Variants in UTRN observed in about 807,000 individuals in gnomAD.
UTRN encodes the protein dystrophin-related protein 1.
A neutral mutation model predicts 463.9 loss-of-function variants in UTRN; 283 were observed. The ratio of observed to expected loss-of-function variants is 0.61; its 90% confidence interval spans 0.55 to 0.67. UTRN has a LOEUF of 0.67. Ranked by LOEUF, UTRN falls within the 30% of genes least tolerant of loss-of-function variation. UTRN has a pLI of 0.00. For missense variants in UTRN, 3,922 were observed against 4,084.3 expected (o/e 0.96, Z 1.08); for synonymous variants, 1,442 against 1,431.5 (o/e 1.01, Z -0.17).
intron 73 of UTRN, 113 bp downstream of exon 73, chr6:144,840,945 G>A: frequency 9.3e-7 from 1 of 1,073,210 alleles, no homozygotes; most frequent in Non-Finnish European, 1.3e-6. Context: ...ATTACAAACA[G>A]GACTGAATAT....
chr6:144,809,981 G>A (rs1186732710), intron 65 of UTRN, among the ~76,000 whole-genome samples: 2 of 152,084 alleles, frequency 1.3e-5, no homozygotes, highest in Non-Finnish European at 2.9e-5. Flanking sequence ...CCAAAGAAAC[G>A]GAAGCCTGTG....
intron 51 of UTRN, among the ~76,000 whole-genome samples, chr6:144,673,179 C>G (rs1042266178): frequency 6.6e-6 from 1 of 152,194 alleles, no homozygotes. Flanking sequence ...CTGCAAATAT[C>G]TGTTAAGCCC....
At chr6:144,531,641 C>T (rs993245194) in intron 42 of UTRN, among the ~76,000 whole-genome samples, 3 of 152,096 alleles carry the variant, frequency 2.0e-5, no homozygotes, top group African/African-American at 7.2e-5. Context: ...GGCAGCTGCT[C>T]ATGTAAGTCT....
At chr6:144,422,645 A>G (rs994599775) in intron 4 of UTRN, among the ~76,000 whole-genome samples, 2 of 152,210 alleles carry the variant, frequency 1.3e-5, no homozygotes, top group African/African-American at 4.8e-5. Flanking sequence ...GTTAAAAACT[A>G]TGACATCTAT....
chr6:144,444,417 T>C (rs1225118368), intron 14 of UTRN, 35 bp downstream of exon 14: 4 of 1,525,630 alleles, frequency 2.6e-6, no homozygotes, highest in Non-Finnish European at 3.6e-6. Context: ...GCAAAATAAA[T>C]GGTGAAAAGT....
chr6:144,445,263 A>G (rs1481721064), intron 14 of UTRN, among the ~76,000 whole-genome samples: 7 of 146,098 alleles, frequency 4.8e-5, no homozygotes, highest in Non-Finnish European at 7.5e-5. Context: ...AGGCAGGAGA[A>G]TTGCTGGAAC....
chr6:144,745,570 A>G (rs1790634720), intron 54 of UTRN, among the ~76,000 whole-genome samples: 1 of 152,194 alleles, frequency 6.6e-6, no homozygotes, highest in African/African-American at 2.4e-5. Flanking sequence ...TCTTCTGAGT[A>G]GCTTCTTGAG....
intron 51 of UTRN, among the ~76,000 whole-genome samples, chr6:144,630,862 G>C (rs191762783): frequency 6.6e-6 from 1 of 152,064 alleles, no homozygotes; most frequent in Non-Finnish European, 1.5e-5. Context: ...ATTCAGCCCT[G>C]CTCTTTCACA....
chr6:144,819,877 GCCTCCTCCT>G (rs535515378), intron 65 of UTRN, among the ~76,000 whole-genome samples: 259 of 127,276 alleles, frequency 2.0e-3, no homozygotes, highest in Middle Eastern at 0.013. Context: ...CTCCTCCGCC[GCCTCCTCCT>G]CCTCCTCCTC....
chr6:144,666,169 G>C (rs1780372431), intron 51 of UTRN, among the ~76,000 whole-genome samples: 1 of 152,140 alleles, frequency 6.6e-6, no homozygotes, highest in Admixed American at 6.6e-5. Flanking sequence ...CGCCACATCA[G>C]GGTCATGATC....
chr6:144,718,492 C>T (rs1007442485), intron 53 of UTRN, among the ~76,000 whole-genome samples: 3 of 152,126 alleles, frequency 2.0e-5, no homozygotes, highest in African/African-American at 7.2e-5. Context: ...TTCTACAGCA[C>T]TGAATAGTTT....
intron 2 of UTRN, among the ~76,000 whole-genome samples, chr6:144,307,238 C>A (rs1237836044): frequency 6.6e-6 from 1 of 152,140 alleles, no homozygotes; most frequent in African/African-American, 2.4e-5. Context: ...TTAGTTGATG[C>A]CGCAGTTGTT....
intron 71 of UTRN, 26 bp from the exon 72 acceptor site, chr6:144,839,147 G>T: frequency 1.3e-6 from 2 of 1,568,618 alleles, no homozygotes. Flanking sequence ...TCCTTTCTCT[G>T]CTTTAACCTC....
intron 51 of UTRN, among the ~76,000 whole-genome samples, chr6:144,625,837 C>T (rs1000829425): frequency 5.3e-5 from 8 of 151,802 alleles, no homozygotes; most frequent in African/African-American, 1.9e-4. Context: ...TTTTATGTGA[C>T]AAAAATAATT....
At chr6:144,368,407 G>A (rs6901521) in intron 2 of UTRN, among the ~76,000 whole-genome samples, 14,923 of 152,224 alleles carry the variant, frequency 0.098, 869 homozygotes, top group African/African-American at 0.16. Flanking sequence ...ATGTTAATTT[G>A]TTAATTTTTA....
chr6:144,558,761 G>A (rs1396105206), intron 50 of UTRN, among the ~76,000 whole-genome samples: 2 of 151,966 alleles, frequency 1.3e-5, no homozygotes, highest in Non-Finnish European at 2.9e-5. Flanking sequence ...GGAGGTGAAA[G>A]GGCAGGAGAA....
chr6:144,464,763 A>G (rs12215997), intron 23 of UTRN, among the ~76,000 whole-genome samples: 915 of 152,110 alleles, frequency 6.0e-3, no homozygotes, highest in Middle Eastern at 0.024. Flanking sequence ...GCCTCCCAAA[A>G]TGCTAGGATT....
intron 1 of UTRN, among the ~76,000 whole-genome samples, chr6:144,291,528 C>T (rs1457192277): frequency 6.6e-6 from 1 of 152,156 alleles, no homozygotes. Flanking sequence ...TGAAATAATT[C>T]ATTATGTAAT....
chr6:144,393,928 A>G (rs1782165778), intron 2 of UTRN, among the ~76,000 whole-genome samples: 1 of 152,102 alleles, frequency 6.6e-6, no homozygotes, highest in South Asian at 2.1e-4. Flanking sequence ...TTGAGGTTGC[A>G]TTGTTCTTTG....
Sources: allele counts gnomAD v4.1 joint callset (sites outside exome capture counted in the v4.1 genomes callset), GRCh38; gene constraint gnomAD v4.1.1; transcripts MANE v1.5; gene names NCBI Gene and HGNC (gene_info 2026-07-23, HGNC 2026-07-21).